Variants in LPIN1 observed in about 807,000 individuals in gnomAD.
LPIN1 encodes the protein lipin 1.
A neutral mutation model predicts 107.5 loss-of-function variants in LPIN1; 71 were observed. The observed-to-expected ratio is 0.66, with a 90% CI of 0.55 to 0.80. The LOEUF is 0.80. Ranked by LOEUF, LPIN1 falls within the 30% of genes least tolerant of loss-of-function variation. LPIN1 has a pLI of 0.00. For missense variants in LPIN1, 1,043 were observed against 1,160.6 expected (o/e 0.90, Z 1.47); for synonymous variants, 445 against 452.6 (o/e 0.98, Z 0.21).
chr2:11,811,521 A>G (rs1156749310), intron 17 of LPIN1, among the ~76,000 whole-genome samples: 2 of 152,254 alleles, frequency 1.3e-5, no homozygotes, highest in African/African-American at 2.4e-5. Flanking sequence ...ACTCAGTGGC[A>G]TGGCCCAACT....
At chr2:11,742,398 TTCTG>T (rs563916658), upstream of LPIN1, among the ~76,000 whole-genome samples, 25 of 152,314 alleles carry the variant, frequency 1.6e-4, no homozygotes, top group South Asian at 5.2e-3. Context: ...CTCCTTAGCA[TTCTG>T]TCTGTGTAGC....
At chr2:11,792,066 A>G in intron 13 of LPIN1, 60 bp downstream of exon 13, 1 of 1,368,128 alleles carries the variant, frequency 7.3e-7, no homozygotes, top group Middle Eastern at 1.8e-4. Flanking sequence ...GTGTAGTGAG[A>G]TTGGTTTTCA....
intron 1 of LPIN1, chr2:11,682,737 G>C (rs1264519093): frequency 1.3e-5 from 2 of 152,228 alleles, no homozygotes; most frequent in Non-Finnish European, 2.9e-5. Context: ...GGGGCAGCGA[G>C]GGTGTCACCA....
intron 13 of LPIN1, among the ~76,000 whole-genome samples, chr2:11,792,539 C>T (rs752103823): frequency 2.0e-5 from 3 of 151,956 alleles, no homozygotes; most frequent in Non-Finnish European, 4.4e-5. Context: ...TGCACCACCA[C>T]GCACAGCTAA....
intron 14 of LPIN1, among the ~76,000 whole-genome samples, chr2:11,797,923 T>C (rs1677011620): frequency 6.6e-6 from 1 of 152,182 alleles, no homozygotes; most frequent in Non-Finnish European, 1.5e-5. Flanking sequence ...AAATGTCACT[T>C]TGAACTGTAA....
intron 6 of LPIN1, among the ~76,000 whole-genome samples, chr2:11,779,051 T>A (rs1005986039): frequency 6.6e-6 from 1 of 152,204 alleles, no homozygotes; most frequent in East Asian, 1.9e-4. Context: ...CCCAGGCCAG[T>A]GCAGATGATA....
At chr2:11,679,583 C>G (rs557368926) in intron 1 of LPIN1, among the ~76,000 whole-genome samples, 2 of 152,286 alleles carry the variant, frequency 1.3e-5, no homozygotes, top group Non-Finnish European at 2.9e-5. Flanking sequence ...CCCTTGTATT[C>G]CATCGCTCTT....
chr2:11,785,214 A>C, intron 10 of LPIN1, 138 bp downstream of exon 10: 1 of 656,590 alleles, frequency 1.5e-6, no homozygotes, highest in Non-Finnish European at 2.5e-6. Flanking sequence ...ATAGCACCGA[A>C]CTCATAATCC....
At position 11,765,438 on chromosome 2, in the gene LPIN1, A is replaced by G; in HGVS notation, c.-9-95A>G. On this transcript the variant is annotated intron_variant, in intron 1 of 20. Transcript: ENST00000674199. The surrounding 1 kb of genome is among the most constrained non-coding windows in gnomAD (Gnocchi z 4.4). The stretch of plus-strand genomic sequence containing the variant: ...AGAGGAGCTGAAAGTTGAGTGTGTA[A>G]TCCACGTTTTTGAAATGGTGAGGAG... The G allele has an allele frequency of 8.5e-7, 1 of 1,171,892 alleles. No individual in the cohort carries two copies. The highest frequency in any genetic ancestry group is 1.2e-6 in the Non-Finnish European group (1 of 808,874). The allele number at this position is 1,171,892 out of a possible 1,614,324, so 72.6% of individuals were successfully genotyped here.
In LPIN1 at chr2:11,697,345, C is replaced by T. The variant is rs1346651651; in HGVS notation, c.82-16411C>T. ...CCCTGAGCTCTGTCTTTGCTCCAGGCTGGAACAGCAAGCAAGCAGCTCCTG... is the reference window on the plus strand; with the variant it reads ...CCCTGAGCTCTGTCTTTGCTCCAGGTTGGAACAGCAAGCAAGCAGCTCCTG... On this transcript the variant is annotated intron_variant, in intron 1 of 21. Transcript: ENST00000449576. This position sits in a 1 kb window ranked among gnomAD's most constrained non-coding sequence, Gnocchi z 4.6. 6.6e-6 allele frequency among the ~76,000 whole-genome samples: 1 copy of T among 152,250 alleles called. No individual in the cohort carries two copies. Among genetic ancestry groups the T allele is most frequent in the East Asian group, 1.9e-4 (1 of 5,188 alleles).
intron 1 of LPIN1, among the ~76,000 whole-genome samples, chr2:11,754,542 G>A (rs1288127924): frequency 6.6e-6 from 1 of 152,258 alleles, no homozygotes; most frequent in Non-Finnish European, 1.5e-5. Flanking sequence ...GGCTCTGTCA[G>A]GGAGTGGTGA....
chr2:11,813,501 C>G (rs1329956635), intron 17 of LPIN1, among the ~76,000 whole-genome samples: 1 of 152,074 alleles, frequency 6.6e-6, no homozygotes, highest in Non-Finnish European at 1.5e-5. Flanking sequence ...AGAGGTGCTC[C>G]TCACTTTCCA....
intron 17 of LPIN1, among the ~76,000 whole-genome samples, chr2:11,812,537 A>G (rs1406379810): frequency 1.3e-5 from 2 of 152,126 alleles, no homozygotes; most frequent in Non-Finnish European, 1.5e-5. Flanking sequence ...GACTGGGGGA[A>G]AGGTGCTCTA....
chr2:11,820,951 A>G (rs1681405613), intron 20 of LPIN1, among the ~76,000 whole-genome samples: 3 of 152,202 alleles, frequency 2.0e-5, no homozygotes, highest in Non-Finnish European at 2.9e-5. Flanking sequence ...AATTCCCTTC[A>G]TATTTTTGGT....
At position 11,782,219 on chromosome 2, in the gene LPIN1, A is replaced by G; in HGVS notation, c.976A>G (p.Met326Val). ...GCTCTAGTCTTCTTCTCCACACAAG[A>G]TGAAAGAGTCCAGCCCATTGAGCAG... ...QAAKSSSPHK[M>V]KESSPLSSRK... is the part of the protein sequence containing the mutation. Residue 326 changes from methionine to valine, a missense_variant, in exon 8 of 21, where the codon ATG becomes GTG. Coordinates refer to ENST00000674199, the MANE Select transcript of LPIN1 (RefSeq NM_001349206.2). 3 of 1,614,006 alleles carry G rather than the reference A, an allele frequency of 1.9e-6. No homozygotes were observed. The highest frequency in any genetic ancestry group is 2.5e-6 in the Non-Finnish European group (3 of 1,179,942).
chr2:11,801,842 T>C (rs980783966), intron 14 of LPIN1, among the ~76,000 whole-genome samples: 7 of 152,220 alleles, frequency 4.6e-5, no homozygotes, highest in Non-Finnish European at 8.8e-5. Flanking sequence ...ATGCATGATA[T>C]TTTGATAAAT....
chr2:11,825,591 ATATTACTAAGGCAG>A lies in LPIN1; in HGVS notation c.*805_*818del, dbSNP rs1682268915. ...ACGCCTTAGATTAAAATGACAGTAA[ATATTACTAAGGCAG>A]TATTTTGAATGAGTTTGACACTGCC... On this transcript the variant is annotated 3_prime_UTR_variant, in exon 21 of 21. Coordinates refer to ENST00000674199, the MANE Select transcript of LPIN1 (RefSeq NM_001349206.2). The surrounding 1 kb of genome is among the most constrained non-coding windows in gnomAD (Gnocchi z 4.1). The A allele has an allele frequency of 1.3e-5, 2 of 152,734 alleles. No individual in the cohort carries two copies. The highest frequency in any genetic ancestry group is 4.2e-4 in the South Asian group (2 of 4,814). The allele number at this position is 152,734 out of a possible 1,614,324, so 9.5% of individuals were successfully genotyped here. A position where few individuals can be genotyped will look rare whatever the true frequency, so the allele number is the denominator to read the frequency against.
intron 1 of LPIN1, among the ~76,000 whole-genome samples, chr2:11,733,889 A>C (rs1431175881): frequency 1.3e-5 from 2 of 152,272 alleles, no homozygotes; most frequent in African/African-American, 4.8e-5. Context: ...TACAAAAAGC[A>C]ACAATGAAAG....
intron 1 of LPIN1, among the ~76,000 whole-genome samples, chr2:11,698,592 C>T (rs1352357785): frequency 8.5e-5 from 13 of 152,230 alleles, no homozygotes; most frequent in Admixed American, 5.2e-4. Context: ...CGACACCATG[C>T]CTCTGAACAC....
Sources: gnomAD v4.1 joint callset for allele counts (sites outside exome capture counted in the v4.1 genomes callset) on GRCh38, gnomAD v4.1.1 for gene constraint, Gnocchi (gnomAD v3.1) non-coding constraint, MANE v1.5 for transcripts, NCBI Gene and HGNC (gene_info 2026-07-23, HGNC 2026-07-21) for gene names.